SPOCK1: variants seen among roughly 807,000 people sequenced by gnomAD.
The protein encoded by SPOCK1 is testican-1.
SPOCK1 carries 23 observed loss-of-function variants against 55.3 expected under a neutral mutation model. The observed-to-expected ratio is 0.42, with a 90% CI of 0.30 to 0.59. The LOEUF (loss-of-function observed/expected upper bound fraction) is 0.59. Ranked by LOEUF, SPOCK1 falls within the 20% of genes least tolerant of loss-of-function variation. The probability of loss-of-function intolerance (pLI) is 0.22; values close to 1 mark genes in which losing one functional copy is unlikely to be tolerated. For missense variants in SPOCK1, 499 were observed against 552.5 expected, an observed-to-expected ratio of 0.90 and a Z score of 0.97; for synonymous variants, 226 against 221.0, an observed-to-expected ratio of 1.02 and a Z score of -0.20.
At chr5:137,182,307 T>C (rs1299532010) in intron 3 of SPOCK1, among the ~76,000 whole-genome samples, 1 of 152,168 alleles carries the variant, frequency 6.6e-6, no homozygotes, top group Non-Finnish European at 1.5e-5. Context: ...GGGTCTTTGC[T>C]CCTGCAGTGC....
intron 5 of SPOCK1, among the ~76,000 whole-genome samples, chr5:137,080,911 T>C (rs749571594): frequency 1.3e-5 from 2 of 152,196 alleles, no homozygotes; most frequent in African/African-American, 4.8e-5. Context: ...ATCAGATCTA[T>C]AACTGCTACA....
rs951983867 is a variant in SPOCK1, at chr5:137,216,584, G to T, written c.232+50426C>A. Among the ~76,000 whole-genome samples the T allele has an allele frequency of 3.9e-5, 6 of 152,232 alleles. No individual in the cohort carries two copies. In the East Asian group the frequency reaches 1.2e-3, roughly 30 times the overall value. On this transcript the variant is annotated intron_variant, in intron 3 of 10. Transcript: ENST00000394945. ...AAATTAGCCAGGTGTGGTGGTGCAT[G>T]CCTGGAGTCCCAGATACTCAGGAGC...
At chr5:137,205,498 G>C (rs1437266200) in intron 3 of SPOCK1, among the ~76,000 whole-genome samples, 2 of 152,208 alleles carry the variant, frequency 1.3e-5, no homozygotes, top group African/African-American at 2.4e-5. Flanking sequence ...GATGAAAAAG[G>C]CTCTGCTCTT....
At chr5:137,247,729 G>C (rs1753197568) in intron 3 of SPOCK1, among the ~76,000 whole-genome samples, 2 of 152,194 alleles carry the variant, frequency 1.3e-5, no homozygotes, top group African/African-American at 4.8e-5. Flanking sequence ...AGTCTGGTGA[G>C]GGCTTTCCTG....
chr5:137,255,498 T>A (rs1304417714), intron 3 of SPOCK1, among the ~76,000 whole-genome samples: 1 of 152,256 alleles, frequency 6.6e-6, no homozygotes, highest in Non-Finnish European at 1.5e-5. Context: ...CTATTCGTGT[T>A]ATCACTTGAC....
At chr5:137,496,859 A>T (rs1042158849) in intron 2 of SPOCK1, among the ~76,000 whole-genome samples, 1 of 152,208 alleles carries the variant, frequency 6.6e-6, no homozygotes, top group Admixed American at 6.5e-5. Flanking sequence ...GTTATTATGT[A>T]TCAATTAAAA....
intron 8 of SPOCK1, 67 bp downstream of exon 8, chr5:136,988,355 C>T (rs921736977): frequency 4.6e-5 from 60 of 1,293,204 alleles, no homozygotes; most frequent in Admixed American, 2.1e-4. Flanking sequence ...CATAGTCATA[C>T]GCAGTCCTCC....
At chr5:137,343,154 G>C (rs1001690996) in intron 2 of SPOCK1, among the ~76,000 whole-genome samples, 4 of 152,202 alleles carry the variant, frequency 2.6e-5, no homozygotes, top group Non-Finnish European at 5.9e-5. Flanking sequence ...TAAGCCACAG[G>C]GGCCTCAGTC....
chr5:137,079,061 C>T (rs560155732), intron 5 of SPOCK1, among the ~76,000 whole-genome samples: 3 of 152,320 alleles, frequency 2.0e-5, no homozygotes, highest in African/African-American at 4.8e-5. Context: ...GGCCATGTCC[C>T]TTGAGGCTTC....
At chr5:137,012,423 C>T (rs966502478) in intron 6 of SPOCK1, among the ~76,000 whole-genome samples, 8 of 152,100 alleles carry the variant, frequency 5.3e-5, no homozygotes, top group African/African-American at 1.9e-4. Context: ...CTTCTCCCTG[C>T]CATCCTCCCA....
chr5:137,082,206 T>C (rs1338035275), intron 5 of SPOCK1, among the ~76,000 whole-genome samples: 1 of 152,174 alleles, frequency 6.6e-6, no homozygotes, highest in Non-Finnish European at 1.5e-5. Flanking sequence ...GATCCTGAGA[T>C]AGTCATGATT....
At chr5:137,373,803 C>G (rs1372550637) in intron 2 of SPOCK1, among the ~76,000 whole-genome samples, 1 of 152,238 alleles carries the variant, frequency 6.6e-6, no homozygotes, top group African/African-American at 2.4e-5. Flanking sequence ...CAGAATCAAA[C>G]AGACCTGGCT....
intron 3 of SPOCK1, among the ~76,000 whole-genome samples, chr5:137,243,701 A>C (rs1168167146): frequency 1.3e-5 from 2 of 152,198 alleles, no homozygotes; most frequent in South Asian, 4.1e-4. Flanking sequence ...CTGCTGATTC[A>C]ATTTTCTGCT....
intron 3 of SPOCK1, among the ~76,000 whole-genome samples, chr5:137,218,343 A>G (rs371657160): frequency 7.9e-5 from 12 of 152,260 alleles, no homozygotes; most frequent in African/African-American, 2.4e-4. Context: ...AGGTATACCA[A>G]AGATGACCAC....
chr5:137,160,556 AT>A (rs1754514786), intron 3 of SPOCK1, among the ~76,000 whole-genome samples: 1 of 58,318 alleles, frequency 1.7e-5, no homozygotes, highest in Non-Finnish European at 2.8e-5. Context: ...TATAATATAT[AT>A]TATATATTAT....
chr5:137,267,036 C>G lies in SPOCK1; in HGVS notation c.206G>C (p.Trp69Ser). The G allele has an allele frequency of 6.2e-7, 1 of 1,612,908 alleles. No individual in the cohort carries two copies. The highest frequency in any genetic ancestry group is 2.2e-5 in the East Asian group (1 of 44,850). ...TTGGTCAAAGGGCTTGTTGGGATTC[C>G]AGTTTCTGAAATAATCATCCTATAT... ...RFRDDDYFRN[W>S]NPNKPFDQAL... The change falls in exon 3 of 11, where the codon TGG becomes TCG. Residue 69 changes from tryptophan (W) to serine (S), a missense_variant. Trp to Ser is a radical substitution (Grantham distance 177). Coordinates refer to ENST00000394945, the MANE Select transcript of SPOCK1 (RefSeq NM_004598.4).
chr5:137,285,025 C>T lies in SPOCK1; in HGVS notation c.187-17970G>A, dbSNP rs374683967. On this transcript the variant is annotated intron_variant, in intron 2 of 10. Transcript: ENST00000394945. ...TTCTCAATGTATGGAGAACAACTCG[C>T]TAATGTGCATCAGCCCACAGTTCGA... Among the ~76,000 whole-genome samples, 12 of 152,310 alleles carry T rather than the reference C, an allele frequency of 7.9e-5. No homozygotes were observed. The East Asian group carries it at 1.7e-3, about 22-fold the overall frequency.
intron 5 of SPOCK1, among the ~76,000 whole-genome samples, chr5:137,109,790 C>T (rs1035423874): frequency 6.6e-6 from 1 of 152,172 alleles, no homozygotes; most frequent in Non-Finnish European, 1.5e-5. Flanking sequence ...TTAAAGGACA[C>T]CCCCTCAGAG....
At chr5:137,257,255 G>A (rs896486946) in intron 3 of SPOCK1, among the ~76,000 whole-genome samples, 2 of 152,146 alleles carry the variant, frequency 1.3e-5, no homozygotes, top group Admixed American at 6.5e-5. Flanking sequence ...ATTTTTAAAA[G>A]AAGCATCCCA....
Sources: gnomAD v4.1 joint callset for allele counts (sites outside exome capture counted in the v4.1 genomes callset) on GRCh38, gnomAD v4.1.1 for gene constraint, MANE v1.5 for transcripts, NCBI Gene and HGNC (gene_info 2026-07-23, HGNC 2026-07-21) for gene names.